The following COL6A3 variants were observed in gnomAD, a reference collection of about 807,000 sequenced individuals.
The protein encoded by COL6A3 is collagen type VI alpha 3 chain.
Under a neutral mutation model 274.1 loss-of-function variants are expected in COL6A3, and 137 were observed. The observed-to-expected ratio is 0.50, with a 90% CI of 0.44 to 0.58. COL6A3 has a LOEUF of 0.58. Among genes scored for constraint, COL6A3 ranks in the 20% least tolerant of loss-of-function variants. The pLI is 0.00. For synonymous variants in COL6A3, 1,650 were observed against 1,650.6 expected, an observed-to-expected ratio of 1.00 and a Z score of 0.01; for missense variants, 3,950 against 4,124.9, an observed-to-expected ratio of 0.96 and a Z score of 1.16.
chr2:237,348,432 C>T (rs1478103241), intron 29 of COL6A3, 48 bp from the exon 30 acceptor site: 5 of 1,501,348 alleles, frequency 3.3e-6, no homozygotes, highest in Non-Finnish European at 4.6e-6. Context: ...AATTTAAATT[C>T]ATCTAAAATA....
chr2:237,340,477 C>G lies in COL6A3; in HGVS notation c.8439G>C (p.Gly2813=). 1.9e-6 allele frequency: 3 copies of G among 1,613,614 alleles called. No individual in the cohort carries two copies. The highest frequency in any genetic ancestry group is 2.5e-6 in the Non-Finnish European group (3 of 1,180,018). The part of the protein sequence containing the change: ...ELNEEPLMRF[G]RLLPSFVSSE... Reference sequence around the variant, plus strand: ...TGCTGACGAAGGATGGCAACAGCCTCCCGAAGCGCATCAAAGGCTCCTCGT... The same window carrying G: ...TGCTGACGAAGGATGGCAACAGCCTGCCGAAGCGCATCAAAGGCTCCTCGT... Residue 2813 remains glycine, a synonymous_variant, in exon 38 of 44, where the codon GGG becomes GGC. Transcript: ENST00000295550.
chr2:237,377,763 G>A (rs1051815472), intron 6 of COL6A3, among the ~76,000 whole-genome samples: 6 of 152,122 alleles, frequency 3.9e-5, no homozygotes, highest in African/African-American at 9.7e-5. Flanking sequence ...AAAAAGGGGG[G>A]GCTGATATGG....
chr2:237,369,061 T>C lies in COL6A3; in HGVS notation c.4402A>G (p.Ile1468Val), dbSNP rs759366102. 16 of 1,614,120 alleles carry C rather than the reference T, an allele frequency of 9.9e-6. No individual in the cohort carries two copies. Among genetic ancestry groups the C allele is most frequent in the Non-Finnish European group, 1.2e-5 (14 of 1,180,052 alleles). The change falls in exon 10 of 44, where the codon ATC (isoleucine) becomes GTC (valine). Residue 1468 changes from isoleucine to valine, a missense_variant. Ile to Val is a conservative substitution (Grantham distance 29). Coordinates refer to ENST00000295550, the MANE Select transcript of COL6A3 (RefSeq NM_004369.4). The part of the protein sequence containing the change: ...FVSRIVRRLN[I>V]GPSKVRVGVV... ...CCAACTCTCACTTTACTGGGGCCGA[T>C]GTTGAGTCTTCGAACAATCCTGCTA...
chr2:237,412,998 T>C (rs1395922685), intron 1 of COL6A3, among the ~76,000 whole-genome samples: 2 of 152,182 alleles, frequency 1.3e-5, no homozygotes, highest in Non-Finnish European at 2.9e-5. Flanking sequence ...TCCCTCCCAG[T>C]GACCCCACCC....
Position 237,381,257 on chromosome 2 carries a change from C to A in COL6A3, c.1555G>T (p.Asp519Tyr). The change falls in exon 5 of 44, where the codon GAC (aspartate) becomes TAC (tyrosine). Residue 519 changes from aspartate to tyrosine, a missense_variant. Transcript: ENST00000295550. ...ITAVRKMKPLDGSALYTGSAL... is the reference protein window; with the variant it reads ...ITAVRKMKPLYGSALYTGSAL... ...GAGCCCGTGTACAGGGCCGAGCCGTCCAGGGGCTTCATTTTCCGCACAGCG... is the reference window on the plus strand; with the variant it reads ...GAGCCCGTGTACAGGGCCGAGCCGTACAGGGGCTTCATTTTCCGCACAGCG... 6.2e-7 allele frequency: 1 copy of A among 1,614,242 alleles called. No individual in the cohort carries two copies. The highest frequency in any genetic ancestry group is 8.5e-7 in the Non-Finnish European group (1 of 1,180,046).
rs188759857 is a variant in COL6A3 at position 237,373,076 on chromosome 2, A to T, written c.3680-739T>A. On this transcript the variant is annotated intron_variant, in intron 8 of 43. Coordinates refer to ENST00000295550, the MANE Select transcript of COL6A3 (RefSeq NM_004369.4). ...AAATAGGACTCAAGATTACCAGCTGAGAGTCAGGTGGGTCAGGAGAGGTGT... is the reference window on the plus strand; with the variant it reads ...AAATAGGACTCAAGATTACCAGCTGTGAGTCAGGTGGGTCAGGAGAGGTGT... Among the ~76,000 whole-genome samples, 206 of 152,208 alleles carry T rather than the reference A, an allele frequency of 1.4e-3. 1 individual carries two copies. Among genetic ancestry groups the T allele is most frequent in the African/African-American group, 4.8e-3 (199 of 41,538 alleles).
rs370946061 is a variant in COL6A3 at position 237,364,325 on chromosome 2, A to C, written c.5917+25T>G. 1.5e-5 allele frequency: 24 copies of C among 1,594,544 alleles called. No individual in the cohort carries two copies. Among genetic ancestry groups the C allele is most frequent in the Non-Finnish European group, 2.1e-5 (24 of 1,162,862 alleles). Reference sequence around the variant, plus strand: ...CCCGCCTCACCAGGGTTTACTTCTCATATTTAGAAAGCCTTGGCACCTACC... The same window carrying C: ...CCCGCCTCACCAGGGTTTACTTCTCCTATTTAGAAAGCCTTGGCACCTACC... On this transcript the variant is annotated intron_variant, in intron 13 of 43. Transcript: ENST00000295550. This position sits in a 1 kb window ranked among gnomAD's most constrained non-coding sequence, Gnocchi z 4.6.
chr2:237,409,238 G>A (rs1479224044), intron 1 of COL6A3, among the ~76,000 whole-genome samples: 2 of 152,162 alleles, frequency 1.3e-5, no homozygotes, highest in African/African-American at 2.4e-5. Context: ...CCAGAAGAGA[G>A]GGGGCTATGT....
chr2:237,326,643 C>T (rs1328002732), intron 42 of COL6A3: 1 of 152,152 alleles, frequency 6.6e-6, no homozygotes, highest in Non-Finnish European at 1.5e-5. Flanking sequence ...CTCCAAAACT[C>T]CCTGGAGCCA....
At chr2:237,356,374 T>A (rs1478040788) in intron 23 of COL6A3, among the ~76,000 whole-genome samples, 1 of 152,176 alleles carries the variant, frequency 6.6e-6, no homozygotes, top group Non-Finnish European at 1.5e-5. Flanking sequence ...AATAAATAAA[T>A]AAATAGTGCT....
At chr2:237,375,838 C>G (rs137934735) in intron 7 of COL6A3, among the ~76,000 whole-genome samples, 1 of 152,190 alleles carries the variant, frequency 6.6e-6, no homozygotes. Flanking sequence ...CCACCGCACC[C>G]GGCCTGTTTT....
intron 6 of COL6A3, 24 bp downstream of exon 6, chr2:237,378,612 T>A (rs745986212): frequency 7.4e-6 from 12 of 1,611,776 alleles, no homozygotes; most frequent in Admixed American, 5.0e-5. Context: ...GGAGAGGGAG[T>A]TCCCGGCAAC....
rs372281922 is a variant in COL6A3 at position 237,358,522 on chromosome 2, G to A, written c.6470C>T (p.Pro2157Leu). The A allele has an allele frequency of 4.3e-5, 69 of 1,613,302 alleles. No individual in the cohort carries two copies. The highest frequency in any genetic ancestry group is 5.6e-5 in the Non-Finnish European group (66 of 1,179,454). ...ERGDVGIRGD[P>L]GNPGQDSQER... ...AATCGTCAATAAAGAAATCTTTACC[G>A]GGTCCCCTCGAATCCCAACATCTCC... The change falls in exon 21 of 44, where the codon CCG (proline) becomes CTG (leucine). Residue 2157 changes from proline (P) to leucine (L), a missense_variant and splice_region_variant. By Grantham distance (98) the Pro-to-Leu change is moderately conservative (BLOSUM62 -3). Transcript: ENST00000295550.
intron 14 of COL6A3, among the ~76,000 whole-genome samples, chr2:237,362,185 C>A (rs541774498): frequency 1.3e-5 from 2 of 152,164 alleles, no homozygotes; most frequent in Non-Finnish European, 2.9e-5. Flanking sequence ...TTCCAAAGTG[C>A]AAAGCCAAGC....
Position 237,324,782 on chromosome 2 carries a change from C to T in COL6A3, c.9526G>A (p.Gly3176Arg). 1 of 1,613,872 alleles carries T rather than the reference C, an allele frequency of 6.2e-7. No homozygotes were observed. Among genetic ancestry groups the T allele is most frequent in the East Asian group, 2.2e-5 (1 of 44,884 alleles). The change falls in exon 44 of 44, where the codon GGA becomes AGA. Residue 3176 changes from glycine to arginine, a missense_variant. Gly to Arg is a moderately radical substitution (Grantham distance 125, BLOSUM62 -2). This residue lies in a region of COL6A3 where 1,284 missense variants were observed against 1,349.7 expected (regional missense o/e 0.95). Transcript: ENST00000295550. Reference sequence around the variant, plus strand: ...ATGTTGGCCACCCACGCTTAGGTTCCCATCACACTGATGACTCCGGGTTTG... The same window carrying T: ...ATGTTGGCCACCCACGCTTAGGTTCTCATCACACTGATGACTCCGGGTTTG... ...LAKPGVISVM[G>R]T
chr2:237,332,082 TATATATATATATATATATATATATA>T lies in COL6A3; in HGVS notation c.9328+1343_9328+1367del, dbSNP rs1287982337. ...CTCTCTCTCTCTACATATATATATA[TATATATATATATATATATATATATA>T]TATATATATATGAAAAGAAAAACAA... On this transcript the variant is annotated intron_variant, in intron 42 of 43. Transcript: ENST00000295550. Among the ~76,000 whole-genome samples, 24 of 13,072 alleles carry T rather than the reference TATATATATATATATATATATATATA, an allele frequency of 1.8e-3. 3 individuals are homozygous for T. Among genetic ancestry groups the T allele is most frequent in the African/African-American group, 5.7e-3 (18 of 3,146 alleles). 8.6% of individuals were successfully genotyped at this position (13,072 alleles called of 152,430 possible).
rs529079748 is a variant in COL6A3, at chr2:237,334,812, G to A, written c.9043C>T (p.Pro3015Ser). 4 of 1,614,168 alleles carry A rather than the reference G, an allele frequency of 2.5e-6. No homozygotes were observed. The African/African-American group carries it at 4.0e-5, about 16-fold the overall frequency. Residue 3015 changes from proline (P) to serine (S), a missense_variant, in exon 41 of 44, where the codon CCC (proline) becomes TCC (serine). By Grantham distance (74) the Pro-to-Ser change is moderately conservative. Coordinates refer to ENST00000295550, the MANE Select transcript of COL6A3 (RefSeq NM_004369.4). The part of the protein sequence containing the change: ...AKLHWERAEP[P>S]GPYFYDLTVT... ...GTGAGGTCATAAAAATAAGGACCGG[G>A]GGGCTCAGCCCTCTCCCAGTGGAGT...
intron 37 of COL6A3, 82 bp from the exon 38 acceptor site, chr2:237,341,232 G>A: frequency 7.3e-7 from 1 of 1,363,728 alleles, no homozygotes; most frequent in East Asian, 2.3e-5. Flanking sequence ...GGAGACTTGG[G>A]CGATTAAAAT....
chr2:237,380,752 G>C lies in COL6A3; in HGVS notation c.1897+163C>G, dbSNP rs78219354. On this transcript the variant is annotated intron_variant, in intron 5 of 43. Transcript: ENST00000295550. ...ATGACATTGTAAACCATACAATCCT[G>C]AACCCAGTGCAAAAGGAAACCTGGA... Among the ~76,000 whole-genome samples the C allele has an allele frequency of 0.012, 1,849 of 152,324 alleles. 66 individuals carry two copies. Among genetic ancestry groups the C allele is most frequent in the Admixed American group, 0.059 (911 of 15,312 alleles).
Sources: gnomAD v4.1 joint callset for allele counts (sites outside exome capture counted in the v4.1 genomes callset) on GRCh38, gnomAD v4.1.1 for gene constraint, gnomAD v4.1.1 regional missense constraint, Gnocchi (gnomAD v3.1) non-coding constraint, MANE v1.5 for transcripts, NCBI Gene and HGNC (gene_info 2026-07-23, HGNC 2026-07-21) for gene names.